Variants in FBXO8 observed in about 807,000 individuals in gnomAD.
FBXO8 encodes F-box only protein 8.
A neutral mutation model predicts 33.4 loss-of-function variants in FBXO8; 15 were observed. The ratio of observed to expected loss-of-function variants is 0.45; its 90% CI spans 0.30 to 0.69. FBXO8 has a LOEUF of 0.69. Ranked by LOEUF, FBXO8 falls within the 30% of genes least tolerant of loss-of-function variation. The probability of loss-of-function intolerance (pLI) is 0.08; values close to 1 mark genes in which losing one functional copy is unlikely to be tolerated. For missense variants in FBXO8, 274 were observed against 380.3 expected, an observed-to-expected ratio of 0.72 and a Z score of 2.32; for synonymous variants, 132 against 131.5, an observed-to-expected ratio of 1.00 and a Z score of -0.02.
At chr4:174,258,697 C>A (rs149983716) in intron 3 of FBXO8, among the ~76,000 whole-genome samples, 1 of 151,674 alleles carries the variant, frequency 6.6e-6, no homozygotes, top group Non-Finnish European at 1.5e-5. Context: ...ATAAACCATA[C>A]ATAAGTAAAA....
chr4:174,249,421 T>C (rs2126422119), intron 3 of FBXO8, among the ~76,000 whole-genome samples: 1 of 152,172 alleles, frequency 6.6e-6, no homozygotes, highest in Admixed American at 6.6e-5. Flanking sequence ...TGCTAGCTAA[T>C]TTAGAATTCT....
At position 174,267,891 on chromosome 4, in the gene FBXO8, T is replaced by G. The variant is rs1252747747; in HGVS notation, c.-8-4791A>C. On this transcript the variant is annotated intron_variant, in intron 1 of 5. Coordinates refer to ENST00000393674, the MANE Select transcript of FBXO8 (RefSeq NM_012180.3). The surrounding 1 kb of genome is among the most constrained non-coding windows in gnomAD (Gnocchi z 4.7). ...AAAAAGTTTCAAATTCAAAAAAAAT[T>G]CAACACAAAATAAGTTTTTGTATTT... Among the ~76,000 whole-genome samples, 1 of 152,200 alleles carries G rather than the reference T, an allele frequency of 6.6e-6. No homozygotes were observed. Among genetic ancestry groups the G allele is most frequent in the Non-Finnish European group, 1.5e-5 (1 of 68,032 alleles).
rs985425236 is a variant in FBXO8, at chr4:174,254,738, T to G, written c.456+4961A>C. On this transcript the variant is annotated intron_variant, in intron 3 of 5. Coordinates refer to ENST00000393674, the MANE Select transcript of FBXO8 (RefSeq NM_012180.3). The surrounding 1 kb of genome is among the most constrained non-coding windows in gnomAD (Gnocchi z 4.2). The stretch of plus-strand genomic sequence containing the variant: ...AAGACTCAATTCAACTCTCAGGGTT[T>G]GTTTGTTTGTTTGTTTTGTAGTAAG... Among the ~76,000 whole-genome samples, 2 of 152,134 alleles carry G rather than the reference T, an allele frequency of 1.3e-5. No individual in the cohort carries two copies. Among genetic ancestry groups the G allele is most frequent in the Non-Finnish European group, 1.5e-5 (1 of 67,994 alleles).
intron 1 of FBXO8, among the ~76,000 whole-genome samples, chr4:174,273,083 C>G (rs1736875386): frequency 6.6e-6 from 1 of 151,958 alleles, no homozygotes; most frequent in South Asian, 2.1e-4. Context: ...AAGAGGATTG[C>G]TTGAGGACAG....
At position 174,273,337 on chromosome 4, in the gene FBXO8, A is replaced by AAGAAAG. The variant is rs1553975234; in HGVS notation, c.-9+10072_-9+10073insCTTTCT. On this transcript the variant is annotated intron_variant, in intron 1 of 5. Transcript: ENST00000393674. ...GTCATAAAAGTTAAAAAAAAAAAAAAGAAAAGAAAAGAAAAAAGGTGGAAG... is the reference window on the plus strand; with the variant it reads ...GTCATAAAAGTTAAAAAAAAAAAAAAAGAAAGGAAAAGAAAAGAAAAAAGGTGGAAG... Among the ~76,000 whole-genome samples the AAGAAAG allele has an allele frequency of 3.4e-3, 424 of 124,772 alleles. 5 individuals carry two copies. Among genetic ancestry groups the AAGAAAG allele is most frequent in the East Asian group, 0.011 (52 of 4,946 alleles). 81.9% of individuals were successfully genotyped at this position (124,772 alleles called of 152,430 possible).
At position 174,239,047 on chromosome 4, in the gene FBXO8, T is replaced by A; in HGVS notation, c.719A>T (p.His240Leu). 3 of 1,605,828 alleles carry A rather than the reference T, an allele frequency of 1.9e-6. No homozygotes were observed. Among genetic ancestry groups the A allele is most frequent in the Non-Finnish European group, 2.6e-6 (3 of 1,175,460 alleles). ...YLETLITKFS[H>L]RFCACNPDLM... ...ATCAGGGTTGCAAGCACAGAATCTA[T>A]GTGAGAACTTTGTTATAAGAGTTTC... is the stretch of plus-strand genomic sequence containing the variant. Residue 240 changes from histidine to leucine, a missense_variant, in exon 5 of 6, where the codon CAT becomes CTT. This residue lies in a region of FBXO8 where 186 missense variants were observed against 293.4 expected (regional missense o/e 0.63). Transcript: ENST00000393674.
Position 174,257,015 on chromosome 4 carries a change from A to C in FBXO8, c.456+2684T>G, listed in dbSNP as rs1736431910. Among the ~76,000 whole-genome samples the C allele has an allele frequency of 1.3e-5, 2 of 152,158 alleles. No individual in the cohort carries two copies. Among genetic ancestry groups the C allele is most frequent in the South Asian group, 2.1e-4 (1 of 4,830 alleles). ...AAAATCTTATTTTAATTAATAACTT[A>C]AATCCCCTCCCTTAACAAACATTTG... On this transcript the variant is annotated intron_variant, in intron 3 of 5. Coordinates refer to ENST00000393674, the MANE Select transcript of FBXO8 (RefSeq NM_012180.3). This position sits in a 1 kb window ranked among gnomAD's most constrained non-coding sequence, Gnocchi z 4.3.
chr4:174,271,886 T>G (rs954355799), intron 1 of FBXO8, among the ~76,000 whole-genome samples: 1 of 152,160 alleles, frequency 6.6e-6, no homozygotes, highest in Non-Finnish European at 1.5e-5. Flanking sequence ...CTTATATATA[T>G]TATGTATTTG....
Position 174,241,677 on chromosome 4 carries a change from T to C in FBXO8, c.457-459A>G, listed in dbSNP as rs1736045250. 6.6e-6 allele frequency among the ~76,000 whole-genome samples: 1 copy of C among 151,486 alleles called. No individual in the cohort carries two copies. The highest frequency in any genetic ancestry group is 2.1e-4 in the South Asian group (1 of 4,828). On this transcript the variant is annotated intron_variant, in intron 3 of 5. Transcript: ENST00000393674. This position sits in a 1 kb window ranked among gnomAD's most constrained non-coding sequence, Gnocchi z 4.2. ...TAAAAAAATGCTCCAAATGAAAGAC[T>C]AGCAATTTTATTCTGGGAGAAAAAT...
At chr4:174,276,782 A>T (rs991897327) in intron 1 of FBXO8, among the ~76,000 whole-genome samples, 1 of 152,220 alleles carries the variant, frequency 6.6e-6, no homozygotes, top group Non-Finnish European at 1.5e-5. Flanking sequence ...AAGTTTTTTG[A>T]CACTACTACT....
Position 174,259,795 on chromosome 4 carries a change from G to C in FBXO8, c.360C>G (p.Ser120=), listed in dbSNP as rs17854001. 4.6e-3 allele frequency: 7,396 copies of C among 1,606,038 alleles called. 32 individuals are homozygous for C. Among genetic ancestry groups the C allele is most frequent in the Middle Eastern group, 0.011 (66 of 6,030 alleles). The part of the protein sequence containing the change: ...GLCKSTWGHC[S]IYNKNPPLGF... ...CTAAAGGTGGGTTCTTATTGTATAT[G>C]GAACAGTGACCCCAAGTGGATTTGC... is the stretch of plus-strand genomic sequence containing the variant. Residue 120 remains serine, a synonymous_variant, in exon 3 of 6, where the codon TCC becomes TCG. Transcript: ENST00000393674. The surrounding 1 kb of genome is among the most constrained non-coding windows in gnomAD (Gnocchi z 4.3).
intron 1 of FBXO8, among the ~76,000 whole-genome samples, chr4:174,279,300 A>G (rs1560877190): frequency 1.3e-5 from 2 of 152,076 alleles, no homozygotes; most frequent in Admixed American, 6.6e-5. Flanking sequence ...AATACTTAGG[A>G]ATTAACCAAG....
intron 1 of FBXO8, among the ~76,000 whole-genome samples, chr4:174,264,954 G>A (rs1736659182): frequency 6.6e-6 from 1 of 152,024 alleles, no homozygotes; most frequent in East Asian, 1.9e-4. Flanking sequence ...TTAAAAATGA[G>A]CAAAAGATCT....
At chr4:174,280,933 T>C (rs958936802) in intron 1 of FBXO8, among the ~76,000 whole-genome samples, 1 of 152,022 alleles carries the variant, frequency 6.6e-6, no homozygotes, top group African/African-American at 2.4e-5. Flanking sequence ...ATAAAAAGAG[T>C]AATGAAGATA....
At position 174,255,876 on chromosome 4, in the gene FBXO8, T is replaced by G. The variant is rs1374051118; in HGVS notation, c.456+3823A>C. Reference sequence around the variant, plus strand: ...CTTGTACATGCAGGGAAAATACAACTTAATGTAAACAGATGGTTTTCAGCA... The same window carrying G: ...CTTGTACATGCAGGGAAAATACAACGTAATGTAAACAGATGGTTTTCAGCA... On this transcript the variant is annotated intron_variant, in intron 3 of 5. Coordinates refer to ENST00000393674, the MANE Select transcript of FBXO8 (RefSeq NM_012180.3). The surrounding 1 kb of genome is among the most constrained non-coding windows in gnomAD (Gnocchi z 4.3). Among the ~76,000 whole-genome samples the G allele has an allele frequency of 6.6e-6, 1 of 152,184 alleles. No homozygotes were observed. The highest frequency in any genetic ancestry group is 6.5e-5 in the Admixed American group (1 of 15,270).
chr4:174,280,961 CACA>C (rs1290316480), intron 1 of FBXO8, among the ~76,000 whole-genome samples: 1 of 152,054 alleles, frequency 6.6e-6, no homozygotes, highest in Non-Finnish European at 1.5e-5. Flanking sequence ...TTGATGGTGG[CACA>C]ACATTATCAA....
At chr4:174,239,812 ATG>A (rs1413011518) in intron 4 of FBXO8, among the ~76,000 whole-genome samples, 5 of 151,082 alleles carry the variant, frequency 3.3e-5, no homozygotes, top group East Asian at 1.9e-4. Flanking sequence ...ATATAAATAT[ATG>A]TGTGTGTATA....
At chr4:174,279,694 A>G (rs1405406054) in intron 1 of FBXO8, among the ~76,000 whole-genome samples, 1 of 152,066 alleles carries the variant, frequency 6.6e-6, no homozygotes, top group East Asian at 1.9e-4. Flanking sequence ...GAAATAAACC[A>G]TCACATATAT....
chr4:174,270,164 T>G lies in FBXO8; in HGVS notation c.-8-7064A>C, dbSNP rs1052706108. 6.6e-6 allele frequency among the ~76,000 whole-genome samples: 1 copy of G among 152,232 alleles called. No homozygotes were observed. Among genetic ancestry groups the G allele is most frequent in the Non-Finnish European group, 1.5e-5 (1 of 68,038 alleles). The stretch of plus-strand genomic sequence containing the variant: ...GGTATTGTGTATAAACATGCCACAT[T>G]AGCCGAGACAGAGCTATTTTATTAA... On this transcript the variant is annotated intron_variant, in intron 1 of 5. Transcript: ENST00000393674. The surrounding 1 kb of genome is among the most constrained non-coding windows in gnomAD (Gnocchi z 4.6).
Sources: allele counts gnomAD v4.1 joint callset (sites outside exome capture counted in the v4.1 genomes callset), GRCh38; gene constraint gnomAD v4.1.1; regional missense constraint gnomAD v4.1.1; non-coding constraint Gnocchi (gnomAD v3.1); transcripts MANE v1.5; gene names NCBI Gene and HGNC (gene_info 2026-07-23, HGNC 2026-07-21).